The following TMEM63C variants were observed in gnomAD, a reference collection of about 807,000 sequenced individuals.
The protein encoded by TMEM63C is osmosensitive cation channel TMEM63C.
In TMEM63C, 32 loss-of-function variants were observed where a neutral mutation model predicts 99.2. The observed-to-expected ratio is 0.32, with a 90% CI of 0.24 to 0.43. The LOEUF (loss-of-function observed/expected upper bound fraction) is 0.43, where lower values mean the gene tolerates loss of function less well. Among genes scored for constraint, TMEM63C ranks in the 20% least tolerant of loss-of-function variants. TMEM63C has a pLI of 1.00. For synonymous variants in TMEM63C, 376 were observed against 397.9 expected (o/e 0.94, Z 0.66); for missense variants, 826 against 1,053.0 (o/e 0.78, Z 2.98).
At chr14:77,212,919 C>T (rs1203585342) in intron 1 of TMEM63C, among the ~76,000 whole-genome samples, 1 of 152,218 alleles carries the variant, frequency 6.6e-6, no homozygotes, top group African/African-American at 2.4e-5. Flanking sequence ...CCACCTGGTC[C>T]AAGCCGCCCA....
At chr14:77,247,314 C>A (rs1430775035) in intron 18 of TMEM63C, among the ~76,000 whole-genome samples, 2 of 152,146 alleles carry the variant, frequency 1.3e-5, no homozygotes, top group African/African-American at 2.4e-5. Context: ...GATTCTCCCA[C>A]CTCAGCCTGC....
chr14:77,231,007 G>A (rs1202458241), intron 6 of TMEM63C, among the ~76,000 whole-genome samples: 1 of 152,226 alleles, frequency 6.6e-6, no homozygotes, highest in Non-Finnish European at 1.5e-5. Flanking sequence ...GAATGTGCAT[G>A]TATTCCATTT....
intron 18 of TMEM63C, 38 bp from the exon 19 acceptor site, chr14:77,248,309 G>A: frequency 6.4e-7 from 1 of 1,559,234 alleles, no homozygotes; most frequent in African/African-American, 1.4e-5. Flanking sequence ...CTCTCCCTGT[G>A]GCTTCTGTTG....
rs1160970498 is a variant in TMEM63C, at chr14:77,194,547, TTCTTTCTC to T, written c.-77+12655_-77+12662del. On this transcript the variant is annotated intron_variant, in intron 1 of 23. Transcript: ENST00000298351. The stretch of plus-strand genomic sequence containing the variant: ...TTTCTTTCTTTCTTTCTTTCTTTCT[TTCTTTCTC>T]TTTCTTTCTTTCTGTCTTTCTTTCT... Among the ~76,000 whole-genome samples the T allele has an allele frequency of 4.9e-3, 93 of 19,082 alleles. 3 individuals are homozygous for T. The highest frequency in any genetic ancestry group is 0.016 in the African/African-American group (91 of 5,674). 12.5% of individuals were successfully genotyped at this position (19,082 alleles called of 152,430 possible).
In TMEM63C at chr14:77,248,811, G is replaced by A. The variant is rs774271713; in HGVS notation, c.1809G>A (p.Met603Ile). Residue 603 changes from methionine (M) to isoleucine (I), a missense_variant, in exon 20 of 24, where the codon ATG (methionine) becomes ATA (isoleucine). Coordinates refer to ENST00000298351, the MANE Select transcript of TMEM63C (RefSeq NM_020431.4). ...DFQFGREYAW[M>I]MNVFSVVMAY... ...AGTTTGGGCGTGAGTATGCGTGGATGATGAACGTGTTCAGCGTGGTGATGG... is the reference window on the plus strand; with the variant it reads ...AGTTTGGGCGTGAGTATGCGTGGATAATGAACGTGTTCAGCGTGGTGATGG... 22 of 1,614,070 alleles carry A rather than the reference G, an allele frequency of 1.4e-5. No individual in the cohort carries two copies. Among genetic ancestry groups the A allele is most frequent in the Non-Finnish European group, 1.9e-5 (22 of 1,179,910 alleles).
At chr14:77,251,286 A>G (rs1189862461) in intron 21 of TMEM63C, among the ~76,000 whole-genome samples, 1 of 152,214 alleles carries the variant, frequency 6.6e-6, no homozygotes, top group African/African-American at 2.4e-5. Flanking sequence ...TTTAAACAAC[A>G]TTTACCTAGT....
rs572480374 is a variant in TMEM63C at position 77,249,362 on chromosome 14, C to A, written c.1942C>A (p.Leu648Met). The A allele has an allele frequency of 1.1e-5, 17 of 1,613,954 alleles. No individual in the cohort carries two copies. Among genetic ancestry groups the A allele is most frequent in the Non-Finnish European group, 1.4e-5 (16 of 1,179,910 alleles). ...NMYYSFAPTK[L>M]NEQIHMAAVS... The stretch of plus-strand genomic sequence containing the variant: ...GTACTACTCCTTTGCACCCACCAAA[C>A]TGAACGAGCAGATCCACATGGCTGC... The change falls in exon 21 of 24, where the codon CTG becomes ATG. Residue 648 changes from leucine to methionine, a missense_variant. Leu to Met is a conservative substitution (Grantham distance 15). Transcript: ENST00000298351.
chr14:77,218,871 G>A lies in TMEM63C; in HGVS notation c.58G>A (p.Asp20Asn). The A allele has an allele frequency of 1.2e-6, 2 of 1,613,716 alleles. No individual in the cohort carries two copies. The highest frequency in any genetic ancestry group is 1.7e-6 in the Non-Finnish European group (2 of 1,179,800). ...TGGRLQNMTV[D>N]ECFQSRNTVL... The stretch of plus-strand genomic sequence containing the variant: ...GGGAAGGTTACAGAACATGACAGTG[G>A]ATGAATGCTTCCAGTCTCGGAACAC... Residue 20 changes from aspartate (D) to asparagine (N), a missense_variant, in exon 3 of 24, where the codon GAT becomes AAT. Coordinates refer to ENST00000298351, the MANE Select transcript of TMEM63C (RefSeq NM_020431.4).
chr14:77,212,709 C>T (rs540379963), intron 1 of TMEM63C, among the ~76,000 whole-genome samples: 2 of 152,290 alleles, frequency 1.3e-5, no homozygotes, highest in East Asian at 3.9e-4. Context: ...CCTGGGAAAG[C>T]TGAGGAGGGT....
At chr14:77,205,072 G>T (rs1888371599) in intron 1 of TMEM63C, among the ~76,000 whole-genome samples, 1 of 152,240 alleles carries the variant, frequency 6.6e-6, no homozygotes, top group South Asian at 2.1e-4. Context: ...CAAGTAATGG[G>T]AGAGAGAACC....
At chr14:77,202,822 G>GGC (rs1433450205) in intron 1 of TMEM63C, among the ~76,000 whole-genome samples, 2 of 132,888 alleles carry the variant, frequency 1.5e-5, no homozygotes, top group African/African-American at 2.7e-5. Context: ...CAGACAGGCA[G>GGC]GCGCACACAC....
At chr14:77,215,614 A>AAAAAAAAAAAAAGAAAAG (rs772701077) in intron 2 of TMEM63C, among the ~76,000 whole-genome samples, 2 of 76,528 alleles carry the variant, frequency 2.6e-5, no homozygotes, top group African/African-American at 5.6e-5. Flanking sequence ...AAAAAAAAAA[A>AAAAAAAAAAAAAGAAAAG]AAAAGAAAAG....
intron 1 of TMEM63C, among the ~76,000 whole-genome samples, chr14:77,202,717 A>G (rs1888318401): frequency 6.6e-6 from 1 of 152,102 alleles, no homozygotes; most frequent in African/African-American, 2.4e-5. Flanking sequence ...ATTTCCAAAC[A>G]AGGTCACATT....
chr14:77,187,518 A>T (rs1888023284), intron 1 of TMEM63C, among the ~76,000 whole-genome samples: 2 of 152,160 alleles, frequency 1.3e-5, no homozygotes, highest in African/African-American at 4.8e-5. Context: ...CACTCCATGG[A>T]GGGGCTTCTT....
rs151053715 is a variant in TMEM63C at position 77,215,802 on chromosome 14, C to T, written c.-14+2294C>T. ...CTAGTTCCCAAGCCTCCCGCAGTCT[C>T]ACTTTGCTCCAGCAGTTCCCCCCTC... On this transcript the variant is annotated intron_variant, in intron 2 of 23. Coordinates refer to ENST00000298351, the MANE Select transcript of TMEM63C (RefSeq NM_020431.4). Among the ~76,000 whole-genome samples the T allele has an allele frequency of 2.2e-4, 33 of 152,244 alleles. No homozygotes were observed. The East Asian group carries it at 6.0e-3, about 28-fold the overall frequency.
intron 13 of TMEM63C, among the ~76,000 whole-genome samples, chr14:77,240,813 C>T (rs925471196): frequency 6.6e-6 from 1 of 152,214 alleles, no homozygotes; most frequent in Non-Finnish European, 1.5e-5. Flanking sequence ...TCAAGGGGTG[C>T]CCAGGCCGGG....
At chr14:77,201,939 C>A (rs1888307400) in intron 1 of TMEM63C, among the ~76,000 whole-genome samples, 1 of 152,122 alleles carries the variant, frequency 6.6e-6, no homozygotes, top group African/African-American at 2.4e-5. Context: ...CTTGAGATGC[C>A]CCTGCCCTCT....
rs1281832428 is a variant in TMEM63C at position 77,219,412 on chromosome 14, G to A, written c.151-86G>A. On this transcript the variant is annotated intron_variant, in intron 3 of 23. Coordinates refer to ENST00000298351, the MANE Select transcript of TMEM63C (RefSeq NM_020431.4). ...GCTCCCTGGGGACCTCAGGGACAGG[G>A]TCTCCCCCAAGGGAATGCAGGGGGC... 12 of 1,392,158 alleles carry A rather than the reference G, an allele frequency of 8.6e-6. No homozygotes were observed. The East Asian group carries it at 2.7e-4, about 32-fold the overall frequency. 86.2% of individuals were successfully genotyped at this position (1,392,158 alleles called of 1,614,324 possible). A position where few individuals can be genotyped will look rare whatever the true frequency, so the allele number is the denominator to read the frequency against.
In TMEM63C at chr14:77,257,118, C is replaced by G; in HGVS notation, c.*392C>G. ...TGGGGTCATCACCACTCTGCATCAG[C>G]TGCCCTTCCAAGGAGCTTCTGCTGC... On this transcript the variant is annotated 3_prime_UTR_variant, in exon 24 of 24. Coordinates refer to ENST00000298351, the MANE Select transcript of TMEM63C (RefSeq NM_020431.4). The G allele has an allele frequency of 5.4e-6, 1 of 183,494 alleles. No individual in the cohort carries two copies. The highest frequency in any genetic ancestry group is 1.1e-5 in the Non-Finnish European group (1 of 87,944). The allele number at this position is 183,494 out of a possible 1,614,324, so 11.4% of individuals were successfully genotyped here. A position where few individuals can be genotyped will look rare whatever the true frequency, so the allele number is the denominator to read the frequency against.
Sources: allele counts gnomAD v4.1 joint callset (sites outside exome capture counted in the v4.1 genomes callset), GRCh38; gene constraint gnomAD v4.1.1; transcripts MANE v1.5; gene names NCBI Gene and HGNC (gene_info 2026-07-23, HGNC 2026-07-21).